ARPP21: variants seen among roughly 807,000 people sequenced by gnomAD.
ARPP21 encodes cAMP regulated phosphoprotein 21, also known as cAMP-regulated phosphoprotein 21.
In ARPP21, 69 loss-of-function variants were observed where a neutral mutation model predicts 113.2. The observed-to-expected ratio is 0.61, with a 90% confidence interval of 0.50 to 0.74. The LOEUF is 0.74. Among genes scored for constraint, ARPP21 ranks in the 30% least tolerant of loss-of-function variants. The pLI is 0.00. For synonymous variants in ARPP21, 368 were observed against 375.5 expected, an observed-to-expected ratio of 0.98 and a Z score of 0.23; for missense variants, 1,070 against 1,037.4, an observed-to-expected ratio of 1.03 and a Z score of -0.43.
At position 35,721,749 on chromosome 3, in the gene ARPP21, G is replaced by A. The variant is rs1174733283; in HGVS notation, c.1140G>A (p.Lys380=). The A allele has an allele frequency of 6.2e-7, 1 of 1,613,906 alleles. No homozygotes were observed. The highest frequency in any genetic ancestry group is 1.7e-5 in the Admixed American group (1 of 60,000). ...SNRNLKPAMT[K]TASFGGITVL... ...GCAATCTAAAGCCCGCCATGACCAA[G>A]ACGGCGAGTTTTGGGGGCATCACGG... Residue 380 remains lysine (K), a synonymous_variant, in exon 14 of 21, where the codon AAG becomes AAA. Coordinates refer to ENST00000684406, the MANE Select transcript of ARPP21 (RefSeq NM_001385562.1).
At chr3:35,755,114 T>C (rs903787165) in intron 19 of ARPP21, among the ~76,000 whole-genome samples, 20 of 152,112 alleles carry the variant, frequency 1.3e-4, no homozygotes, top group Admixed American at 9.8e-4. Flanking sequence ...AAGAATGTGA[T>C]TTACCTGATT....
At chr3:35,775,420 G>T (rs2096331574) in intron 19 of ARPP21, among the ~76,000 whole-genome samples, 1 of 152,108 alleles carries the variant, frequency 6.6e-6, no homozygotes, top group South Asian at 2.1e-4. Context: ...CAGTGTATGT[G>T]CATATGTGTG....
At chr3:35,751,012 G>C (rs781286198) in intron 19 of ARPP21, among the ~76,000 whole-genome samples, 1 of 152,064 alleles carries the variant, frequency 6.6e-6, no homozygotes, top group East Asian at 1.9e-4. Flanking sequence ...GAAGTTGACC[G>C]TTTACAAAGG....
intron 8 of ARPP21, 137 bp from the exon 9 acceptor site, chr3:35,690,728 C>A: frequency 1.3e-6 from 1 of 741,740 alleles, no homozygotes; most frequent in Non-Finnish European, 2.0e-6. Context: ...GAAATTAGGA[C>A]ATTAAGTGAT....
intron 1 of ARPP21, chr3:35,650,108 C>T (rs1701826768): frequency 6.6e-6 from 1 of 152,052 alleles, no homozygotes; most frequent in African/African-American, 2.4e-5. Flanking sequence ...GCTTTAGGAA[C>T]ATGTAGAAAG....
intron 19 of ARPP21, among the ~76,000 whole-genome samples, chr3:35,775,882 G>A (rs2096349436): frequency 6.6e-6 from 1 of 151,978 alleles, no homozygotes; most frequent in South Asian, 2.1e-4. Context: ...TTGTCTTATT[G>A]ATCAATTAGA....
chr3:35,713,410 A>AT (rs1402918551), intron 11 of ARPP21, among the ~76,000 whole-genome samples: 1 of 150,360 alleles, frequency 6.7e-6, no homozygotes, highest in African/African-American at 2.5e-5. Flanking sequence ...TTTTTTTTTT[A>AT]TTTTTTTGAG....
intron 19 of ARPP21, among the ~76,000 whole-genome samples, chr3:35,782,811 C>T (rs2151761617): frequency 6.6e-6 from 1 of 152,236 alleles, no homozygotes; most frequent in African/African-American, 2.4e-5. Flanking sequence ...TATAAAATCC[C>T]ATCAACCCTA....
At chr3:35,651,456 G>C (rs114692175) in intron 1 of ARPP21, among the ~76,000 whole-genome samples, 1 of 151,712 alleles carries the variant, frequency 6.6e-6, no homozygotes, top group South Asian at 2.1e-4. Flanking sequence ...ATTTTTATTG[G>C]CTTGTTCATA....
At chr3:35,779,196 C>A (rs1209825148) in intron 19 of ARPP21, among the ~76,000 whole-genome samples, 1 of 152,136 alleles carries the variant, frequency 6.6e-6, no homozygotes. Flanking sequence ...AAGATGTATT[C>A]TCCGGGTTCC....
At position 35,721,736 on chromosome 3, in the gene ARPP21, C is replaced by T; in HGVS notation, c.1127C>T (p.Pro376Leu). ...DSDSSNRNLK[P>L]AMTKTASFGG... ...GACAGTTCCAACCGCAATCTAAAGC[C>T]CGCCATGACCAAGACGGCGAGTTTT... Residue 376 changes from proline to leucine, a missense_variant, in exon 14 of 21, where the codon CCC (proline) becomes CTC (leucine). Coordinates refer to ENST00000684406, the MANE Select transcript of ARPP21 (RefSeq NM_001385562.1). The T allele has an allele frequency of 3.1e-6, 5 of 1,613,886 alleles. No homozygotes were observed. The highest frequency in any genetic ancestry group is 1.3e-5 in the African/African-American group (1 of 75,016).
intron 19 of ARPP21, among the ~76,000 whole-genome samples, chr3:35,775,659 T>C (rs2096340386): frequency 6.6e-6 from 1 of 152,194 alleles, no homozygotes; most frequent in Admixed American, 6.5e-5. Context: ...AAAGTTGGAT[T>C]GGATTTTAAT....
intron 3 of ARPP21, chr3:35,682,412 TG>T (rs2079182388): frequency 6.2e-6 from 1 of 162,464 alleles, no homozygotes; most frequent in African/African-American, 2.4e-5. Flanking sequence ...GAAAAAGTGC[TG>T]TGAAACATAT....
At chr3:35,659,544 T>G (rs1254934164) in intron 1 of ARPP21, among the ~76,000 whole-genome samples, 1 of 152,120 alleles carries the variant, frequency 6.6e-6, no homozygotes, top group Non-Finnish European at 1.5e-5. Flanking sequence ...TCCCTGCCCT[T>G]GGTGAACTTA....
chr3:35,699,228 A>G (rs186541999), intron 9 of ARPP21, among the ~76,000 whole-genome samples: 9 of 151,748 alleles, frequency 5.9e-5, no homozygotes, highest in Admixed American at 5.3e-4. Context: ...TCCTAAATGT[A>G]TAATAGTTTT....
chr3:35,761,808 T>C (rs2095789200), intron 19 of ARPP21, among the ~76,000 whole-genome samples: 1 of 152,060 alleles, frequency 6.6e-6, no homozygotes, highest in South Asian at 2.1e-4. Context: ...TTTCTACAGG[T>C]TTAATTTCTA....
chr3:35,741,117 T>G (rs1223817964), intron 18 of ARPP21, among the ~76,000 whole-genome samples: 5 of 152,074 alleles, frequency 3.3e-5, no homozygotes, highest in African/African-American at 1.2e-4. Flanking sequence ...ATGAAATAAA[T>G]GAGTAAATAA....
At chr3:35,764,075 A>G (rs1286950453) in intron 19 of ARPP21, among the ~76,000 whole-genome samples, 3 of 147,798 alleles carry the variant, frequency 2.0e-5, no homozygotes, top group African/African-American at 7.7e-5. Context: ...GCTACAATGA[A>G]AAAAAAAGTA....
intron 1 of ARPP21, among the ~76,000 whole-genome samples, chr3:35,676,568 G>A (rs1315573511): frequency 6.6e-6 from 1 of 151,924 alleles, no homozygotes; most frequent in Non-Finnish European, 1.5e-5. Context: ...CAGAATGCCT[G>A]CACATGAGGT....
Sources: allele counts gnomAD v4.1 joint callset (sites outside exome capture counted in the v4.1 genomes callset), GRCh38; gene constraint gnomAD v4.1.1; transcripts MANE v1.5; gene names NCBI Gene and HGNC (gene_info 2026-07-23, HGNC 2026-07-21).